Variants in GREM2 observed in about 807,000 individuals in gnomAD.
GREM2 encodes gremlin 2, DAN family BMP antagonist.
GREM2 carries 11 observed loss-of-function variants against 14.2 expected under a neutral mutation model. That is an observed-to-expected ratio of 0.78 (90% confidence interval 0.49 to 1.28). The LOEUF (loss-of-function observed/expected upper bound fraction) is 1.28, where lower values mean the gene tolerates loss of function less well. Among genes scored for constraint, GREM2 ranks in the 50% most tolerant of loss-of-function variants. The probability of loss-of-function intolerance (pLI) is 0.00; values close to 1 mark genes in which losing one functional copy is unlikely to be tolerated. For synonymous variants in GREM2, 98 were observed against 97.6 expected (o/e 1.00, Z -0.02); for missense variants, 210 against 218.5 (o/e 0.96, Z 0.24).
At chr1:240,603,077 C>T (rs1024220133) in intron 1 of GREM2, among the ~76,000 whole-genome samples, 14 of 151,594 alleles carry the variant, frequency 9.2e-5, no homozygotes, top group Non-Finnish European at 1.5e-5. Flanking sequence ...GAGCGAGACT[C>T]GTCTCAAAAA....
intron 1 of GREM2, among the ~76,000 whole-genome samples, chr1:240,505,847 GA>G (rs902914540): frequency 6.6e-6 from 1 of 151,830 alleles, no homozygotes; most frequent in Non-Finnish European, 1.5e-5. Flanking sequence ...GAATTAAGGA[GA>G]AAAAAATGTA....
chr1:240,566,411 A>G (rs1435538540), intron 1 of GREM2, among the ~76,000 whole-genome samples: 1 of 152,152 alleles, frequency 6.6e-6, no homozygotes, highest in Non-Finnish European at 1.5e-5. Context: ...GATCGCCCCC[A>G]GCTTACTGCT....
rs117041699 is a variant in GREM2 at position 240,490,870 on chromosome 1, C to T, written c.*2099G>A. On this transcript the variant is annotated 3_prime_UTR_variant, in exon 2 of 2. Transcript: ENST00000318160. Reference sequence around the variant, plus strand: ...CCCAATCCACCCCTAGCCTCCATTACAATCACGTAAATTTCCTTCCTTCAC... The same window carrying T: ...CCCAATCCACCCCTAGCCTCCATTATAATCACGTAAATTTCCTTCCTTCAC... 6.6e-6 allele frequency: 1 copy of T among 152,380 alleles called. No homozygotes were observed. Among genetic ancestry groups the T allele is most frequent in the East Asian group, 1.9e-4 (1 of 5,156 alleles). 9.4% of individuals were successfully genotyped at this position (152,380 alleles called of 1,614,324 possible).
chr1:240,563,095 GTGTA>G (rs1048769671), intron 1 of GREM2, among the ~76,000 whole-genome samples: 3 of 148,810 alleles, frequency 2.0e-5, no homozygotes, highest in African/African-American at 7.5e-5. Flanking sequence ...GTGTGTATGC[GTGTA>G]TGTGTGTATG....
intron 1 of GREM2, among the ~76,000 whole-genome samples, chr1:240,507,232 G>C (rs916784590): frequency 2.0e-5 from 3 of 152,168 alleles, no homozygotes; most frequent in Non-Finnish European, 4.4e-5. Flanking sequence ...AAACTCAGGG[G>C]AACACCAGCT....
At chr1:240,563,026 G>A (rs1679095776) in intron 1 of GREM2, among the ~76,000 whole-genome samples, 2 of 150,020 alleles carry the variant, frequency 1.3e-5, no homozygotes, top group South Asian at 4.3e-4. Flanking sequence ...GTGTATGTGT[G>A]TATATGAGTG....
At chr1:240,517,879 T>C (rs1234565085) in intron 1 of GREM2, among the ~76,000 whole-genome samples, 2 of 152,222 alleles carry the variant, frequency 1.3e-5, no homozygotes, top group African/African-American at 4.8e-5. Flanking sequence ...AAGTTTATCA[T>C]CTAGTCAAGA....
intron 1 of GREM2, among the ~76,000 whole-genome samples, chr1:240,541,621 G>A (rs1307524832): frequency 1.3e-5 from 2 of 151,298 alleles, no homozygotes; most frequent in African/African-American, 4.9e-5. Context: ...CTCTCAGTGG[G>A]CCAAAAATTT....
intron 1 of GREM2, among the ~76,000 whole-genome samples, chr1:240,513,351 C>T (rs1342801867): frequency 6.6e-6 from 1 of 151,892 alleles, no homozygotes; most frequent in Non-Finnish European, 1.5e-5. Flanking sequence ...CCGAGGCGGG[C>T]GGATCGCGAG....
At chr1:240,604,612 G>T (rs1679991765) in intron 1 of GREM2, among the ~76,000 whole-genome samples, 1 of 152,134 alleles carries the variant, frequency 6.6e-6, no homozygotes, top group East Asian at 1.9e-4. Context: ...TGGAAGTCAA[G>T]AAGCAATTTT....
intron 1 of GREM2, among the ~76,000 whole-genome samples, chr1:240,553,348 A>G (rs1254984159): frequency 5.9e-5 from 9 of 152,218 alleles, no homozygotes; most frequent in Non-Finnish European, 1.2e-4. Context: ...TCAAGATCAT[A>G]GGGCAAATAA....
intron 1 of GREM2, among the ~76,000 whole-genome samples, chr1:240,527,684 C>T (rs993726789): frequency 4.6e-5 from 7 of 152,132 alleles, no homozygotes; most frequent in African/African-American, 1.2e-4. Flanking sequence ...CACAGCTAAA[C>T]TATAATGTTC....
intron 1 of GREM2, among the ~76,000 whole-genome samples, chr1:240,610,614 G>C (rs1680113683): frequency 6.6e-6 from 1 of 152,194 alleles, no homozygotes; most frequent in Non-Finnish European, 1.5e-5. Context: ...CACATGTCTT[G>C]GGACAAAGGC....
chr1:240,559,574 C>T (rs1679005047), intron 1 of GREM2, among the ~76,000 whole-genome samples: 1 of 152,096 alleles, frequency 6.6e-6, no homozygotes, highest in South Asian at 2.1e-4. Flanking sequence ...GAACTCCTGA[C>T]CTTAGGTGAT....
At chr1:240,497,041 C>T (rs572377602) in intron 1 of GREM2, among the ~76,000 whole-genome samples, 75 of 151,714 alleles carry the variant, frequency 4.9e-4, no homozygotes, top group Non-Finnish European at 9.3e-4. Flanking sequence ...AAATGTTGAA[C>T]GAAATATGGA....
chr1:240,600,728 C>T (rs1465765909), intron 1 of GREM2, among the ~76,000 whole-genome samples: 1 of 152,152 alleles, frequency 6.6e-6, no homozygotes, highest in African/African-American at 2.4e-5. Context: ...AGGAGATCCA[C>T]CTGCCTCGGC....
intron 1 of GREM2, among the ~76,000 whole-genome samples, chr1:240,538,866 G>C (rs1018269388): frequency 1.3e-5 from 2 of 152,110 alleles, no homozygotes; most frequent in African/African-American, 4.8e-5. Flanking sequence ...CAGAAACTTG[G>C]CACATTGGCT....
rs1677253064 is a variant in GREM2 at position 240,491,701 on chromosome 1, T to C, written c.*1268A>G. 1.3e-5 allele frequency: 2 copies of C among 152,684 alleles called. No individual in the cohort carries two copies. Among genetic ancestry groups the C allele is most frequent in the African/African-American group, 2.4e-5 (1 of 41,454 alleles). 9.5% of individuals were successfully genotyped at this position (152,684 alleles called of 1,614,324 possible). On this transcript the variant is annotated 3_prime_UTR_variant, in exon 2 of 2. Transcript: ENST00000318160. ...CACAAAGCGACTCAACTCCTTATAT[T>C]TTTCAATATCCCTCTCTTTTTCTCT...
intron 1 of GREM2, among the ~76,000 whole-genome samples, chr1:240,502,675 C>T (rs1168739770): frequency 6.6e-6 from 1 of 152,160 alleles, no homozygotes; most frequent in Non-Finnish European, 1.5e-5. Flanking sequence ...GATGCTATCC[C>T]AATGAACAGA....
Sources: gnomAD v4.1 joint callset for allele counts (sites outside exome capture counted in the v4.1 genomes callset) on GRCh38, gnomAD v4.1.1 for gene constraint, MANE v1.5 for transcripts, NCBI Gene and HGNC (gene_info 2026-07-23, HGNC 2026-07-21) for gene names.